Variants in SLC35F3 observed in about 807,000 individuals in gnomAD.
The protein encoded by SLC35F3 is solute carrier family 35 member F3, also known as putative thiamine transporter SLC35F3.
SLC35F3 carries 25 observed loss-of-function variants against 49.9 expected under a neutral mutation model. That is an observed-to-expected ratio of 0.50 (90% CI 0.37 to 0.70). SLC35F3 has a LOEUF of 0.70. Ranked by LOEUF, SLC35F3 falls within the 30% of genes least tolerant of loss-of-function variation. The probability of loss-of-function intolerance (pLI) is 0.00; values close to 1 mark genes in which losing one functional copy is unlikely to be tolerated. For synonymous variants in SLC35F3, 275 were observed against 265.4 expected, an observed-to-expected ratio of 1.04 and a Z score of -0.35; for missense variants, 525 against 639.8, an observed-to-expected ratio of 0.82 and a Z score of 1.94.
At chr1:234,225,030 G>A (rs115958759) in intron 2 of SLC35F3, among the ~76,000 whole-genome samples, 86 of 152,328 alleles carry the variant, frequency 5.6e-4, no homozygotes, top group African/African-American at 2.0e-3. Flanking sequence ...GCATGTGAAT[G>A]GTGGCAGCGT....
At position 234,231,773 on chromosome 1, in the gene SLC35F3, A is replaced by T; in HGVS notation, c.608+32A>T. 6.4e-7 allele frequency: 1 copy of T among 1,564,916 alleles called. No homozygotes were observed. The highest frequency in any genetic ancestry group is 2.3e-5 in the East Asian group (1 of 44,368). ...GCGTCCTGCATGAGGAGGCCTCCTGACCCCGGGCTGCTCCATCCAGCGCTG... is the reference window on the plus strand; with the variant it reads ...GCGTCCTGCATGAGGAGGCCTCCTGTCCCCGGGCTGCTCCATCCAGCGCTG... On this transcript the variant is annotated intron_variant, in intron 3 of 7. Coordinates refer to ENST00000366618, the MANE Select transcript of SLC35F3 (RefSeq NM_173508.4). This position sits in a 1 kb window ranked among gnomAD's most constrained non-coding sequence, Gnocchi z 5.4.
At chr1:233,949,665 A>T (rs545624029) in intron 2 of SLC35F3, among the ~76,000 whole-genome samples, 1 of 152,112 alleles carries the variant, frequency 6.6e-6, no homozygotes, top group African/African-American at 2.4e-5. Flanking sequence ...TACAGCATTC[A>T]CTGGGGCTTG....
chr1:234,166,903 T>C (rs1666330539), intron 2 of SLC35F3, among the ~76,000 whole-genome samples: 1 of 152,218 alleles, frequency 6.6e-6, no homozygotes, highest in Non-Finnish European at 1.5e-5. Context: ...AGAGAAAGCA[T>C]AAACTCATGA....
chr1:234,175,982 C>G (rs2102921252), intron 2 of SLC35F3, among the ~76,000 whole-genome samples: 1 of 152,316 alleles, frequency 6.6e-6, no homozygotes, highest in South Asian at 2.1e-4. Context: ...ATCTCTGAGC[C>G]CACTCTCCCC....
intron 2 of SLC35F3, among the ~76,000 whole-genome samples, chr1:234,019,220 CA>C (rs1250760862): frequency 4.6e-5 from 7 of 152,192 alleles, no homozygotes; most frequent in African/African-American, 1.7e-4. Flanking sequence ...GAGATGATCA[CA>C]TGTCAGGAAG....
chr1:234,161,237 G>A (rs12740262), intron 2 of SLC35F3, among the ~76,000 whole-genome samples: 19,695 of 152,214 alleles, frequency 0.13, 3,269 homozygotes, highest in East Asian at 0.84. Flanking sequence ...ATGGCCTTCC[G>A]AGGTAGGCAG....
intron 2 of SLC35F3, among the ~76,000 whole-genome samples, chr1:234,011,225 C>T (rs939300268): frequency 1.3e-5 from 2 of 151,864 alleles, no homozygotes; most frequent in South Asian, 2.1e-4. Flanking sequence ...TTAGTCATCA[C>T]GGTGGTGGAT....
At chr1:234,104,313 A>T (rs959481635) in intron 2 of SLC35F3, among the ~76,000 whole-genome samples, 10 of 152,242 alleles carry the variant, frequency 6.6e-5, no homozygotes, top group African/African-American at 2.4e-4. Flanking sequence ...TATAATGTTC[A>T]TAGCAAGATT....
chr1:233,911,996 T>G (rs959036654), intron 2 of SLC35F3, among the ~76,000 whole-genome samples: 3 of 152,226 alleles, frequency 2.0e-5, no homozygotes, highest in African/African-American at 4.8e-5. Context: ...TCAGGTTAGT[T>G]GCATTCAAAC....
chr1:234,244,891 T>G (rs1307951378), intron 3 of SLC35F3, among the ~76,000 whole-genome samples: 1 of 152,248 alleles, frequency 6.6e-6, no homozygotes, highest in Non-Finnish European at 1.5e-5. Context: ...GTTTTTTACA[T>G]GCATAGACTA....
intron 2 of SLC35F3, among the ~76,000 whole-genome samples, chr1:234,169,309 T>C (rs1666363792): frequency 6.6e-6 from 1 of 152,222 alleles, no homozygotes; most frequent in East Asian, 1.9e-4. Context: ...ACCAGCTGCC[T>C]GGGCATCCCT....
intron 2 of SLC35F3, among the ~76,000 whole-genome samples, chr1:234,097,321 T>G (rs1037108267): frequency 6.6e-6 from 1 of 152,178 alleles, no homozygotes; most frequent in Non-Finnish European, 1.5e-5. Flanking sequence ...CAAAAATCAC[T>G]TGTACCCCAA....
At chr1:234,079,037 A>G (rs1323117674) in intron 2 of SLC35F3, among the ~76,000 whole-genome samples, 1 of 152,256 alleles carries the variant, frequency 6.6e-6, no homozygotes, top group East Asian at 1.9e-4. Context: ...GAGAAAGAAC[A>G]AAGTTGGAAG....
At chr1:234,095,765 C>T (rs1040248276) in intron 2 of SLC35F3, among the ~76,000 whole-genome samples, 2 of 152,148 alleles carry the variant, frequency 1.3e-5, no homozygotes, top group South Asian at 4.1e-4. Context: ...CAGGTTGTTC[C>T]ACCTTTCTGT....
At chr1:233,956,470 T>C (rs1662704139) in intron 2 of SLC35F3, among the ~76,000 whole-genome samples, 1 of 152,160 alleles carries the variant, frequency 6.6e-6, no homozygotes, top group Admixed American at 6.5e-5. Flanking sequence ...ATTGCTATGG[T>C]TGTGGGGGAA....
At chr1:233,976,244 T>A (rs1663078037) in intron 2 of SLC35F3, among the ~76,000 whole-genome samples, 1 of 152,208 alleles carries the variant, frequency 6.6e-6, no homozygotes, top group Admixed American at 6.5e-5. Flanking sequence ...CATGAAAAGA[T>A]AAACAAGAAA....
At chr1:234,150,634 G>A (rs1240659547) in intron 2 of SLC35F3, among the ~76,000 whole-genome samples, 1 of 152,176 alleles carries the variant, frequency 6.6e-6, no homozygotes, top group Non-Finnish European at 1.5e-5. Context: ...GCTGCCGAAA[G>A]GTCAGACAGG....
At chr1:233,907,741 G>A (rs1052206765) in intron 2 of SLC35F3, among the ~76,000 whole-genome samples, 2 of 151,844 alleles carry the variant, frequency 1.3e-5, no homozygotes, top group Non-Finnish European at 2.9e-5. Context: ...TTTTTTGAGA[G>A]GGAGTCTCAC....
At chr1:234,139,410 C>T (rs1665856621) in intron 2 of SLC35F3, among the ~76,000 whole-genome samples, 1 of 152,074 alleles carries the variant, frequency 6.6e-6, no homozygotes, top group African/African-American at 2.4e-5. Context: ...TACTGTAGAT[C>T]CCAAAAAGAT....
Sources: allele counts gnomAD v4.1 joint callset (sites outside exome capture counted in the v4.1 genomes callset), GRCh38; gene constraint gnomAD v4.1.1; non-coding constraint Gnocchi (gnomAD v3.1); transcripts MANE v1.5; gene names NCBI Gene and HGNC (gene_info 2026-07-23, HGNC 2026-07-21).